The following CDH13 variants were observed in gnomAD, a reference collection of about 807,000 sequenced individuals.
CDH13 encodes cadherin 13, also known as cadherin-13.
Under a neutral mutation model 63.8 loss-of-function variants are expected in CDH13, and 24 were observed. That is an observed-to-expected ratio of 0.38 (90% CI 0.27 to 0.53). The LOEUF is 0.53. Among genes scored for constraint, CDH13 ranks in the 20% least tolerant of loss-of-function variants. The probability of loss-of-function intolerance (pLI) is 0.85; values close to 1 mark genes in which losing one functional copy is unlikely to be tolerated. For synonymous variants in CDH13, 503 were observed against 355.3 expected (o/e 1.42, Z -4.67); for missense variants, 1,049 against 903.1 (o/e 1.16, Z -2.07).
At chr16:83,357,136 G>A (rs1393399760) in intron 6 of CDH13, among the ~76,000 whole-genome samples, 2 of 152,084 alleles carry the variant, frequency 1.3e-5, no homozygotes, top group Non-Finnish European at 2.9e-5. Flanking sequence ...CAGAATGATG[G>A]AGGACCTCGC....
intron 6 of CDH13, among the ~76,000 whole-genome samples, chr16:83,479,833 T>A (rs1055411394): frequency 2.6e-5 from 4 of 152,212 alleles, no homozygotes; most frequent in African/African-American, 9.7e-5. Flanking sequence ...GCTTGTGCCC[T>A]GCAAGGGGCC....
intron 6 of CDH13, among the ~76,000 whole-genome samples, chr16:83,361,431 T>C (rs933689090): frequency 6.6e-6 from 1 of 152,220 alleles, no homozygotes; most frequent in African/African-American, 2.4e-5. Context: ...ATCTTTAGTT[T>C]AATTAAATCC....
intron 3 of CDH13, among the ~76,000 whole-genome samples, chr16:83,121,292 T>C (rs1266526988): frequency 6.6e-6 from 1 of 152,256 alleles, no homozygotes; most frequent in East Asian, 1.9e-4. Flanking sequence ...ATAGAATGCA[T>C]TGAATATGAT....
At chr16:83,511,455 C>T (rs1472825102) in intron 7 of CDH13, among the ~76,000 whole-genome samples, 1 of 149,220 alleles carries the variant, frequency 6.7e-6, no homozygotes, top group African/African-American at 2.5e-5. Context: ...GAGTGAGATT[C>T]CATCTCAAAA....
At position 83,777,085 on chromosome 16, in the gene CDH13, A is replaced by G. The variant is rs74940271; in HGVS notation, c.1682-2883A>G. On this transcript the variant is annotated intron_variant, in intron 11 of 13. Coordinates refer to ENST00000567109, the MANE Select transcript of CDH13 (RefSeq NM_001257.5). Reference sequence around the variant, plus strand: ...GAGTGCTTGATCACCAAGAAAAGACACTGCTTTCCTGCTCGAGCTGCACAC... The same window carrying G: ...GAGTGCTTGATCACCAAGAAAAGACGCTGCTTTCCTGCTCGAGCTGCACAC... Among the ~76,000 whole-genome samples the G allele has an allele frequency of 8.7e-3, 1,327 of 152,256 alleles. 11 individuals carry two copies. The highest frequency in any genetic ancestry group is 0.036 in the East Asian group (186 of 5,186).
chr16:83,063,586 C>G (rs1199979015), intron 3 of CDH13, among the ~76,000 whole-genome samples: 1 of 152,200 alleles, frequency 6.6e-6, no homozygotes, highest in African/African-American at 2.4e-5. Context: ...CATGACCAGA[C>G]TTGCCAATGG....
chr16:83,651,432 G>C (rs1265357399), intron 8 of CDH13, among the ~76,000 whole-genome samples: 1 of 151,958 alleles, frequency 6.6e-6, no homozygotes, highest in South Asian at 2.1e-4. Context: ...TCCTGTAAGG[G>C]TAGGTATTAT....
intron 6 of CDH13, among the ~76,000 whole-genome samples, chr16:83,375,858 A>T (rs117596849): frequency 6.6e-6 from 1 of 152,108 alleles, no homozygotes; most frequent in South Asian, 2.1e-4. Context: ...AGGGTAGGCT[A>T]TGGGGATGGC....
intron 1 of CDH13, among the ~76,000 whole-genome samples, chr16:82,697,437 T>C (rs573049539): frequency 7.1e-6 from 1 of 140,702 alleles, no homozygotes; most frequent in African/African-American, 2.6e-5. Flanking sequence ...TTTTTTTTTT[T>C]TTTTTTTTTT....
At chr16:83,287,416 A>G (rs2089346095) in intron 5 of CDH13, among the ~76,000 whole-genome samples, 1 of 152,136 alleles carries the variant, frequency 6.6e-6, no homozygotes, top group Non-Finnish European at 1.5e-5. Flanking sequence ...CTTCATCTGT[A>G]TTTACAGCCA....
intron 2 of CDH13, among the ~76,000 whole-genome samples, chr16:82,992,875 G>T (rs1483169798): frequency 6.6e-6 from 1 of 152,150 alleles, no homozygotes; most frequent in Non-Finnish European, 1.5e-5. Context: ...TAAAAATGAA[G>T]ATGCTGGTTA....
chr16:83,649,128 C>T (rs1360251292), intron 8 of CDH13, among the ~76,000 whole-genome samples: 2 of 152,216 alleles, frequency 1.3e-5, no homozygotes, highest in African/African-American at 4.8e-5. Flanking sequence ...CCCCCATTCC[C>T]CTCAGGTGTG....
At chr16:83,565,129 C>T (rs1567768219) in intron 7 of CDH13, among the ~76,000 whole-genome samples, 1 of 152,116 alleles carries the variant, frequency 6.6e-6, no homozygotes, top group Non-Finnish European at 1.5e-5. Flanking sequence ...TTGTAGTTCT[C>T]CAATACTCTT....
At chr16:82,993,476 A>C (rs930888043) in intron 2 of CDH13, among the ~76,000 whole-genome samples, 3 of 152,192 alleles carry the variant, frequency 2.0e-5, no homozygotes, top group African/African-American at 7.2e-5. Flanking sequence ...GGACTCTAGG[A>C]ACTGATCTTT....
rs114138975 is a variant in CDH13 at position 82,845,314 on chromosome 16, T to C, written c.46-13048T>C. Among the ~76,000 whole-genome samples the C allele has an allele frequency of 7.5e-3, 1,143 of 152,262 alleles. 9 individuals are homozygous for C. The highest frequency in any genetic ancestry group is 0.027 in the African/African-American group (1,105 of 41,558). ...GCACTGAGGGCTGTCCATAGGAGCA[T>C]TAACTCCCCCTCCTTTCCCATCTCT... On this transcript the variant is annotated intron_variant, in intron 1 of 13. Coordinates refer to ENST00000567109, the MANE Select transcript of CDH13 (RefSeq NM_001257.5).
intron 10 of CDH13, among the ~76,000 whole-genome samples, chr16:83,698,649 T>C (rs1158403647): frequency 6.6e-6 from 1 of 152,232 alleles, no homozygotes; most frequent in Admixed American, 6.5e-5. Flanking sequence ...ACTGATCTTA[T>C]GATCTAGCCT....
At chr16:82,693,071 G>T (rs1003660840) in intron 1 of CDH13, among the ~76,000 whole-genome samples, 3 of 152,150 alleles carry the variant, frequency 2.0e-5, no homozygotes, top group Non-Finnish European at 4.4e-5. Context: ...AGCTGGGGGT[G>T]GCCTCCTACC....
chr16:82,820,955 A>G (rs1253810092), intron 1 of CDH13, among the ~76,000 whole-genome samples: 2 of 152,130 alleles, frequency 1.3e-5, no homozygotes, highest in African/African-American at 4.8e-5. Flanking sequence ...ACCTGCCTCT[A>G]CCAATGAGGG....
intron 4 of CDH13, among the ~76,000 whole-genome samples, chr16:83,141,322 G>T (rs1002807205): frequency 6.6e-6 from 1 of 152,114 alleles, no homozygotes; most frequent in Non-Finnish European, 1.5e-5. Flanking sequence ...AGCCTTCATT[G>T]TCCTAGGAAT....
Sources: gnomAD v4.1 joint callset for allele counts (sites outside exome capture counted in the v4.1 genomes callset) on GRCh38, gnomAD v4.1.1 for gene constraint, MANE v1.5 for transcripts, NCBI Gene and HGNC (gene_info 2026-07-23, HGNC 2026-07-21) for gene names.